The following LSG1 variants were observed in gnomAD, a reference collection of about 807,000 sequenced individuals.
The protein encoded by LSG1 is large 60S subunit nuclear export GTPase 1.
A neutral mutation model predicts 82.6 loss-of-function variants in LSG1; 55 were observed. The observed-to-expected ratio is 0.67, with a 90% confidence interval of 0.54 to 0.83. The LOEUF is 0.83. Ranked by LOEUF, LSG1 falls within the 40% of genes least tolerant of loss-of-function variation. LSG1 has a pLI of 0.00. For missense variants in LSG1, 809 were observed against 807.9 expected, an observed-to-expected ratio of 1.00 and a Z score of -0.02; for synonymous variants, 272 against 282.5, an observed-to-expected ratio of 0.96 and a Z score of 0.37.
chr3:194,653,035 C>T lies in LSG1; in HGVS notation c.867G>A (p.Arg289=). The T allele has an allele frequency of 6.2e-7, 1 of 1,614,146 alleles. No homozygotes were observed. Among genetic ancestry groups the T allele is most frequent in the Non-Finnish European group, 8.5e-7 (1 of 1,180,032 alleles). ...SHSESEHLPA[R]DSPSLSENPT... is the part of the protein sequence containing the mutation. ...GATTTTCACTAAGTGAAGGAGAATCCCTAGCTGGGAGATGTTCGGATTCAC... is the reference window on the plus strand; with the variant it reads ...GATTTTCACTAAGTGAAGGAGAATCTCTAGCTGGGAGATGTTCGGATTCAC... The change falls in exon 8 of 14, where the codon AGG becomes AGA. Residue 289 remains arginine (R), a synonymous_variant. Transcript: ENST00000265245.
At chr3:194,656,519 G>A (rs950160438) in intron 7 of LSG1, among the ~76,000 whole-genome samples, 3 of 152,016 alleles carry the variant, frequency 2.0e-5, no homozygotes, top group Admixed American at 1.3e-4. Flanking sequence ...AGAGGATGTG[G>A]AGAAATAGGA....
intron 5 of LSG1, among the ~76,000 whole-genome samples, chr3:194,662,477 C>T (rs1415339667): frequency 6.6e-6 from 1 of 152,180 alleles, no homozygotes; most frequent in African/African-American, 2.4e-5. Flanking sequence ...TAAAAACTGA[C>T]TGGCACTGGG....
chr3:194,658,297 G>A (rs991272424), intron 7 of LSG1, among the ~76,000 whole-genome samples: 3 of 151,898 alleles, frequency 2.0e-5, no homozygotes, highest in Admixed American at 1.3e-4. Flanking sequence ...ACAGGCACCC[G>A]CCACCATGCC....
rs1043600273 is a variant in LSG1 at position 194,641,913 on chromosome 3, G to T, written c.*155C>A. The T allele has an allele frequency of 2.9e-6, 2 of 696,396 alleles. No individual in the cohort carries two copies. Among genetic ancestry groups the T allele is most frequent in the Non-Finnish European group, 4.6e-6 (2 of 435,942 alleles). 43.1% of individuals were successfully genotyped at this position (696,396 alleles called of 1,614,324 possible). On this transcript the variant is annotated 3_prime_UTR_variant, in exon 14 of 14. Coordinates refer to ENST00000265245, the MANE Select transcript of LSG1 (RefSeq NM_018385.3). The stretch of plus-strand genomic sequence containing the variant: ...GAGTTGGTGTTTCCAGGAGGCCCTT[G>T]GTCTTGACATGGAGACTGTTGGGTG...
At chr3:194,643,353 G>A (rs578065385) in intron 13 of LSG1, among the ~76,000 whole-genome samples, 2 of 152,242 alleles carry the variant, frequency 1.3e-5, no homozygotes, top group Admixed American at 6.5e-5. Flanking sequence ...AATCTGATAT[G>A]GGACTTGTAT....
At chr3:194,655,333 T>C (rs537011377) in intron 7 of LSG1, among the ~76,000 whole-genome samples, 2 of 152,164 alleles carry the variant, frequency 1.3e-5, no homozygotes, top group Non-Finnish European at 2.9e-5. Flanking sequence ...AGGCCACAGA[T>C]GCAGAAACTA....
chr3:194,643,854 A>G (rs541445382), intron 13 of LSG1, among the ~76,000 whole-genome samples: 4 of 152,252 alleles, frequency 2.6e-5, no homozygotes, highest in African/African-American at 7.2e-5. Context: ...ACAATGAAAC[A>G]TTATTCGGTA....
At chr3:194,646,342 T>C in intron 11 of LSG1, 99 bp from the exon 12 acceptor site, 3 of 858,378 alleles carry the variant, frequency 3.5e-6, no homozygotes, top group Non-Finnish European at 3.8e-6. Flanking sequence ...ATTCTTACTC[T>C]TGGATTTTAA....
intron 7 of LSG1, among the ~76,000 whole-genome samples, chr3:194,656,827 G>GAT (rs1718799332): frequency 6.6e-6 from 1 of 152,128 alleles, no homozygotes; most frequent in African/African-American, 2.4e-5. Context: ...CATAAAAAAT[G>GAT]ATGAGTTCAT....
In LSG1 at chr3:194,672,109, G is replaced by T. The variant is rs767473143; in HGVS notation, c.54C>A (p.Arg18=). 6.2e-6 allele frequency: 10 copies of T among 1,609,828 alleles called. No individual in the cohort carries two copies. The highest frequency in any genetic ancestry group is 1.3e-5 in the African/African-American group (1 of 75,040). Residue 18 remains arginine, a synonymous_variant, in exon 1 of 14, where the codon CGC becomes CGA. Coordinates refer to ENST00000265245, the MANE Select transcript of LSG1 (RefSeq NM_018385.3). ...GGCTTCGGCTCCGCTGAGTCTGATG[G>T]CGCATAAGGGCCCGTCCCAGCGACC... ...AGGSLGRALM[R]HQTQRSRSHR...
intron 2 of LSG1, among the ~76,000 whole-genome samples, chr3:194,669,090 G>A (rs1719089318): frequency 6.6e-6 from 1 of 152,168 alleles, no homozygotes; most frequent in Non-Finnish European, 1.5e-5. Context: ...TACTGAGGCA[G>A]GATGAATAAG....
chr3:194,651,905 G>A (rs913179363), intron 8 of LSG1, among the ~76,000 whole-genome samples: 3 of 152,166 alleles, frequency 2.0e-5, no homozygotes, highest in African/African-American at 7.2e-5. Flanking sequence ...TGATTCCACA[G>A]ACAGCTCTTT....
chr3:194,648,805 G>A lies in LSG1; in HGVS notation c.1420-1C>T, dbSNP rs1474834910. The A allele has an allele frequency of 3.7e-6, 6 of 1,613,620 alleles. No individual in the cohort carries two copies. The African/African-American group carries it at 4.0e-5, about 11-fold the overall frequency. ...CATGTCTTGGAATATTCTGGCAAAC[G>A]TAGCTTGTCAGGGAATCCATTCTCT... is the stretch of plus-strand genomic sequence containing the variant. On this transcript the variant is annotated splice_acceptor_variant, in intron 10 of 13. Coordinates refer to ENST00000265245, the MANE Select transcript of LSG1 (RefSeq NM_018385.3). LOFTEE classifies it high-confidence loss of function.
chr3:194,660,921 G>A, intron 5 of LSG1: 2 of 456,356 alleles, frequency 4.4e-6, no homozygotes, highest in South Asian at 3.1e-5. Context: ...TTCTATGGGA[G>A]GCTCCTCCCT....
At position 194,651,039 on chromosome 3, in the gene LSG1, A is replaced by G. The variant is rs368689658; in HGVS notation, c.1276-15T>C. ...ACATAGAGAGTCTGGAAGACAAGCAAGAGGTTTGAGCTGGGTATACAACAG... is the reference window on the plus strand; with the variant it reads ...ACATAGAGAGTCTGGAAGACAAGCAGGAGGTTTGAGCTGGGTATACAACAG... On this transcript the variant is annotated splice_polypyrimidine_tract_variant and intron_variant, in intron 9 of 13. Coordinates refer to ENST00000265245, the MANE Select transcript of LSG1 (RefSeq NM_018385.3). 14 of 1,613,958 alleles carry G rather than the reference A, an allele frequency of 8.7e-6. No homozygotes were observed. The African/African-American group carries it at 1.6e-4, about 18-fold the overall frequency.
intron 5 of LSG1, 54 bp downstream of exon 5, chr3:194,665,503 C>T (rs568638950): frequency 2.4e-5 from 32 of 1,336,576 alleles, no homozygotes; most frequent in Non-Finnish European, 3.4e-5. Flanking sequence ...ACAGCCAAAT[C>T]GAATATAACT....
At chr3:194,646,287 A>G in intron 11 of LSG1, 44 bp from the exon 12 acceptor site, 3 of 1,490,472 alleles carry the variant, frequency 2.0e-6, no homozygotes, top group Non-Finnish European at 2.8e-6. Flanking sequence ...ATGACAGAAT[A>G]TCACAACAAA....
In LSG1 at chr3:194,652,953, C is replaced by A. The variant is rs777352056; in HGVS notation, c.949G>T (p.Asp317Tyr). The A allele has an allele frequency of 6.2e-6, 10 of 1,614,170 alleles. No homozygotes were observed. Among genetic ancestry groups the A allele is most frequent in the Non-Finnish European group, 8.5e-6 (10 of 1,180,028 alleles). ...TCTTCTTCTGAGCACGTCTGCCAGT[C>A]GTCTTCCTCCTCCTCTGGACAGTCC... is the stretch of plus-strand genomic sequence containing the variant. Reference protein sequence around the residue: ...YEDCPEEEEDDWQTCSEEDGP... With the variant: ...YEDCPEEEEDYWQTCSEEDGP... The change falls in exon 8 of 14, where the codon GAC becomes TAC. Residue 317 changes from aspartate (D) to tyrosine (Y), a missense_variant. Coordinates refer to ENST00000265245, the MANE Select transcript of LSG1 (RefSeq NM_018385.3).
chr3:194,652,877 G>A lies in LSG1; in HGVS notation c.1025C>T (p.Ala342Val). 6.2e-7 allele frequency: 1 copy of A among 1,614,084 alleles called. No individual in the cohort carries two copies. The highest frequency in any genetic ancestry group is 8.5e-7 in the Non-Finnish European group (1 of 1,180,036). Reference protein sequence around the residue: ...CSQDWKESSTADSEARSRKTP... With the variant: ...CSQDWKESSTVDSEARSRKTP... ...TTTCCTGCTCCGAGCCTCAGAATCT[G>A]CAGTAGAGCTTTCCTTCCAGTCCTG... Residue 342 changes from alanine (A) to valine (V), a missense_variant, in exon 8 of 14, where the codon GCA becomes GTA. Transcript: ENST00000265245.
Sources: gnomAD v4.1 joint callset for allele counts (sites outside exome capture counted in the v4.1 genomes callset) on GRCh38, gnomAD v4.1.1 for gene constraint, MANE v1.5 for transcripts, NCBI Gene and HGNC (gene_info 2026-07-23, HGNC 2026-07-21) for gene names.